Variants in CHODL observed in about 807,000 individuals in gnomAD.
The protein encoded by CHODL is transmembrane protein MT75.
A neutral mutation model predicts 34.5 loss-of-function variants in CHODL; 29 were observed. That is an observed-to-expected ratio of 0.84 (90% CI 0.63 to 1.15). The LOEUF is 1.15. Among genes scored for constraint, CHODL ranks in the 50% most tolerant of loss-of-function variants. The pLI is 0.00. For missense variants in CHODL, 332 were observed against 332.5 expected (o/e 1.00, Z 0.01); for synonymous variants, 125 against 116.1 (o/e 1.08, Z -0.49).
intron 1 of CHODL, among the ~76,000 whole-genome samples, chr21:17,923,880 A>T (rs1464294698): frequency 1.3e-5 from 2 of 152,250 alleles, no homozygotes; most frequent in Non-Finnish European, 2.9e-5. Flanking sequence ...GGCAACACAA[A>T]GATAGCTTTA....
chr21:18,168,971 T>C (rs1186258783), intron 2 of CHODL, among the ~76,000 whole-genome samples: 2 of 152,162 alleles, frequency 1.3e-5, no homozygotes, highest in East Asian at 1.9e-4. Context: ...AACTTCTTTC[T>C]TTTACTTGTG....
intron 1 of CHODL, among the ~76,000 whole-genome samples, chr21:17,923,904 T>C (rs1437834758): frequency 6.6e-6 from 1 of 152,214 alleles, no homozygotes; most frequent in Non-Finnish European, 1.5e-5. Flanking sequence ...AATCACTTAC[T>C]TGAGTTTTGA....
intron 3 of CHODL, 95 bp from the exon 4 acceptor site, chr21:18,260,105 G>C (rs936811873): frequency 2.4e-6 from 1 of 414,146 alleles, no homozygotes; most frequent in Non-Finnish European, 3.9e-6. Context: ...TCAAAATTGT[G>C]ATGTTTTTAT....
At chr21:18,244,637 AGAGGGGACAGGGAG>A (rs535193589), upstream of CHODL, among the ~76,000 whole-genome samples, 2 of 152,328 alleles carry the variant, frequency 1.3e-5, no homozygotes, top group African/African-American at 4.8e-5. Context: ...GCGAATGGAA[AGAGGGGACAGGGAG>A]GAGGGGACCA....
intron 2 of CHODL, among the ~76,000 whole-genome samples, chr21:18,058,235 T>G (rs73325277): frequency 0.012 from 1,830 of 152,194 alleles, 37 homozygotes; most frequent in African/African-American, 0.041. Flanking sequence ...AAAAGGGAAC[T>G]CTTATACACT....
At chr21:18,025,725 G>T (rs1213867770) in intron 1 of CHODL, among the ~76,000 whole-genome samples, 1 of 151,918 alleles carries the variant, frequency 6.6e-6, no homozygotes, top group Non-Finnish European at 1.5e-5. Flanking sequence ...GAGCTAGAAG[G>T]CTGCGATCAA....
intron 2 of CHODL, among the ~76,000 whole-genome samples, chr21:18,083,432 C>G (rs1568876770): frequency 6.6e-6 from 1 of 152,204 alleles, no homozygotes; most frequent in Non-Finnish European, 1.5e-5. Flanking sequence ...GGCACACTGC[C>G]TAGTGGAGCT....
At chr21:18,262,708 A>AT (rs1040235695) in intron 4 of CHODL, 83 bp from the exon 5 acceptor site, 5 of 791,742 alleles carry the variant, frequency 6.3e-6, no homozygotes, top group Non-Finnish European at 1.1e-5. Flanking sequence ...TTTCACCTGA[A>AT]TTTTTTGAAA....
At chr21:18,188,599 A>G (rs971043997) in intron 2 of CHODL, among the ~76,000 whole-genome samples, 1 of 152,252 alleles carries the variant, frequency 6.6e-6, no homozygotes, top group African/African-American at 2.4e-5. Flanking sequence ...CATCAGAAGC[A>G]ACTTCCTGAA....
chr21:17,939,910 A>G (rs1237288201), intron 1 of CHODL, among the ~76,000 whole-genome samples: 1 of 152,202 alleles, frequency 6.6e-6, no homozygotes, highest in Non-Finnish European at 1.5e-5. Context: ...AATCCAAGTG[A>G]AAAAGTGGAG....
intron 1 of CHODL, among the ~76,000 whole-genome samples, chr21:17,982,897 G>C (rs992439468): frequency 1.3e-5 from 2 of 151,318 alleles, no homozygotes; most frequent in Non-Finnish European, 2.9e-5. Context: ...GCTAATTTTT[G>C]TATTTTTAGT....
At chr21:18,007,059 A>G (rs1485461869) in intron 1 of CHODL, among the ~76,000 whole-genome samples, 7 of 152,234 alleles carry the variant, frequency 4.6e-5, no homozygotes, top group Admixed American at 4.6e-4. Flanking sequence ...AAAAATCAAA[A>G]CATTCAGATT....
chr21:18,067,536 C>A (rs942343197), intron 2 of CHODL, among the ~76,000 whole-genome samples: 6 of 152,316 alleles, frequency 3.9e-5, no homozygotes, highest in African/African-American at 1.4e-4. Context: ...CCTCGCAGCC[C>A]TTTGAAAGAA....
intron 1 of CHODL, among the ~76,000 whole-genome samples, chr21:18,252,004 G>C (rs1427855890): frequency 6.6e-6 from 1 of 151,726 alleles, no homozygotes; most frequent in Non-Finnish European, 1.5e-5. Context: ...AAATTAATTA[G>C]CTCCTAGTGC....
chr21:18,055,572 G>T (rs1266751238), intron 2 of CHODL, among the ~76,000 whole-genome samples: 1 of 152,016 alleles, frequency 6.6e-6, no homozygotes, highest in Non-Finnish European at 1.5e-5. Flanking sequence ...GACAGATCAC[G>T]AGTAAAGTAT....
rs377130477 is a variant in CHODL, at chr21:18,154,397, C to G, written c.-44-102112C>G. 2.6e-3 allele frequency among the ~76,000 whole-genome samples: 394 copies of G among 152,216 alleles called. 3 individuals carry two copies. The highest frequency in any genetic ancestry group is 8.9e-3 in the African/African-American group (368 of 41,544). On this transcript the variant is annotated intron_variant, in intron 2 of 6. Coordinates refer to the CHODL transcript ENST00000400127. Reference sequence around the variant, plus strand: ...GAACAGATCTTATCTTCCTCTAGTTCAAATTTAGTCCTTAGCTTTCATTAG... The same window carrying G: ...GAACAGATCTTATCTTCCTCTAGTTGAAATTTAGTCCTTAGCTTTCATTAG...
intron 1 of CHODL, among the ~76,000 whole-genome samples, chr21:17,959,059 C>T (rs1365381811): frequency 6.6e-6 from 1 of 151,908 alleles, no homozygotes. Flanking sequence ...TAATTACCCC[C>T]GCTAAAAGGA....
At chr21:17,972,676 G>A (rs1161381282) in intron 1 of CHODL, among the ~76,000 whole-genome samples, 6 of 152,090 alleles carry the variant, frequency 3.9e-5, no homozygotes, top group African/African-American at 1.4e-4. Context: ...TTTCATGCTC[G>A]TGGATAGGAA....
intron 1 of CHODL, among the ~76,000 whole-genome samples, chr21:17,936,977 G>A (rs2063324413): frequency 6.6e-6 from 1 of 151,664 alleles, no homozygotes; most frequent in African/African-American, 2.4e-5. Context: ...AGGAGGCTGA[G>A]GCAGGAGAAT....
Sources: allele counts gnomAD v4.1 joint callset (sites outside exome capture counted in the v4.1 genomes callset), GRCh38; gene constraint gnomAD v4.1.1; transcripts MANE v1.5; gene names NCBI Gene and HGNC (gene_info 2026-07-23, HGNC 2026-07-21).